Variants in ATXN7L1 observed in about 807,000 individuals in gnomAD.
The protein encoded by ATXN7L1 is ataxin-7-like protein 1.
Under a neutral mutation model 70.8 loss-of-function variants are expected in ATXN7L1, and 15 were observed. The observed-to-expected ratio is 0.21, with a 90% CI of 0.14 to 0.33. The LOEUF (loss-of-function observed/expected upper bound fraction) is 0.33. Among genes scored for constraint, ATXN7L1 ranks in the 10% least tolerant of loss-of-function variants. ATXN7L1 has a pLI of 1.00. For synonymous variants in ATXN7L1, 440 were observed against 445.1 expected, an observed-to-expected ratio of 0.99 and a Z score of 0.14; for missense variants, 975 against 1,097.1, an observed-to-expected ratio of 0.89 and a Z score of 1.57.
intron 2 of ATXN7L1, among the ~76,000 whole-genome samples, chr7:105,833,331 G>A (rs79371193): frequency 0.11 from 16,592 of 152,142 alleles, 1,211 homozygotes; most frequent in East Asian, 0.22. Context: ...CTAGATCGTA[G>A]GTGCCGTAAA....
At chr7:105,660,082 T>C (rs997380335) in intron 4 of ATXN7L1, among the ~76,000 whole-genome samples, 8 of 151,960 alleles carry the variant, frequency 5.3e-5, no homozygotes, top group Non-Finnish European at 1.2e-4. Context: ...CCCAAAGTCC[T>C]GCGGAGTTTT....
At chr7:105,741,435 G>T (rs1212509287) in intron 3 of ATXN7L1, among the ~76,000 whole-genome samples, 1 of 152,188 alleles carries the variant, frequency 6.6e-6, no homozygotes, top group African/African-American at 2.4e-5. Context: ...CTTTCAACAG[G>T]ATAGTGTTTG....
At chr7:105,870,668 C>A (rs976000521) in intron 2 of ATXN7L1, among the ~76,000 whole-genome samples, 1 of 152,150 alleles carries the variant, frequency 6.6e-6, no homozygotes. Flanking sequence ...AGGGGAACAT[C>A]TTTCTAAATC....
chr7:105,684,759 G>A (rs1805952017), intron 3 of ATXN7L1, among the ~76,000 whole-genome samples: 1 of 152,180 alleles, frequency 6.6e-6, no homozygotes, highest in Admixed American at 6.5e-5. Flanking sequence ...CGTGGAAGAG[G>A]ACAGGCCCAA....
chr7:105,723,900 A>G (rs779415578), intron 3 of ATXN7L1, among the ~76,000 whole-genome samples: 10 of 152,316 alleles, frequency 6.6e-5, no homozygotes, highest in South Asian at 2.1e-4. Context: ...GCTGCAAAGT[A>G]GGGAGGAAAA....
chr7:105,803,302 G>A (rs1226628688), intron 2 of ATXN7L1, among the ~76,000 whole-genome samples: 1 of 152,236 alleles, frequency 6.6e-6, no homozygotes, highest in Admixed American at 6.5e-5. Flanking sequence ...ATGGCCAAGG[G>A]CCCTTCTTCT....
intron 3 of ATXN7L1, among the ~76,000 whole-genome samples, chr7:105,758,954 G>A (rs369744136): frequency 2.0e-5 from 3 of 152,244 alleles, no homozygotes; most frequent in East Asian, 1.9e-4. Context: ...CCATCCCTGC[G>A]GAAGGGGGTC....
intron 2 of ATXN7L1, among the ~76,000 whole-genome samples, chr7:105,861,783 G>A (rs1400620604): frequency 6.6e-6 from 1 of 152,216 alleles, no homozygotes; most frequent in Non-Finnish European, 1.5e-5. Flanking sequence ...AAAAGCGGGT[G>A]CCATGAAAAC....
chr7:105,765,079 A>C (rs1458663901), intron 3 of ATXN7L1, among the ~76,000 whole-genome samples: 2 of 152,146 alleles, frequency 1.3e-5, no homozygotes, highest in Non-Finnish European at 2.9e-5. Context: ...TCACACCTGT[A>C]ATCCCAGCAC....
chr7:105,613,669 A>T, intron 10 of ATXN7L1, 193 bp downstream of exon 10: 1 of 1,450,760 alleles, frequency 6.9e-7, no homozygotes, highest in Non-Finnish European at 9.1e-7. Context: ...AGTGTCTAGC[A>T]CATAGTGAGC....
At position 105,607,621 on chromosome 7, in the gene ATXN7L1, A is replaced by G. The variant is rs1792813019; in HGVS notation, c.*231T>C. Reference sequence around the variant, plus strand: ...AAACATGGCAAATGAAAGGAAAGACAGCGGAAACCAAACACTGGAACTGTT... The same window carrying G: ...AAACATGGCAAATGAAAGGAAAGACGGCGGAAACCAAACACTGGAACTGTT... On this transcript the variant is annotated 3_prime_UTR_variant, in exon 12 of 12. Coordinates refer to ENST00000419735, the MANE Select transcript of ATXN7L1 (RefSeq NM_020725.2). 5.4e-6 allele frequency: 3 copies of G among 552,888 alleles called. No individual in the cohort carries two copies. Among genetic ancestry groups the G allele is most frequent in the Non-Finnish European group, 9.7e-6 (3 of 310,220 alleles). The allele number at this position is 552,888 out of a possible 1,614,324, so 34.2% of individuals were successfully genotyped here.
chr7:105,653,849 G>A (rs1562956699), intron 4 of ATXN7L1, among the ~76,000 whole-genome samples: 1 of 152,010 alleles, frequency 6.6e-6, no homozygotes. Context: ...TGTGGGCCGG[G>A]CTCTCCTGCT....
At chr7:105,658,216 CA>C (rs11317370) in intron 4 of ATXN7L1, among the ~76,000 whole-genome samples, 28,439 of 142,108 alleles carry the variant, frequency 0.2, 3,226 homozygotes, top group African/African-American at 0.33. Context: ...TACCCCATCT[CA>C]AAAAAAAAAA....
intron 3 of ATXN7L1, among the ~76,000 whole-genome samples, chr7:105,743,926 G>A (rs1031322303): frequency 2.0e-5 from 3 of 152,182 alleles, no homozygotes; most frequent in Non-Finnish European, 2.9e-5. Flanking sequence ...TGGAGCTGGC[G>A]TCTTTATTTA....
chr7:105,794,615 T>C (rs1034117129), intron 2 of ATXN7L1, among the ~76,000 whole-genome samples: 1 of 152,264 alleles, frequency 6.6e-6, no homozygotes, highest in Non-Finnish European at 1.5e-5. Flanking sequence ...ACAGGTTTTA[T>C]GAACTGAACT....
At chr7:105,731,930 T>C (rs1031603601) in intron 3 of ATXN7L1, among the ~76,000 whole-genome samples, 5 of 151,438 alleles carry the variant, frequency 3.3e-5, no homozygotes, top group Non-Finnish European at 7.4e-5. Context: ...CCATCTCTAC[T>C]AAAAATACAA....
chr7:105,668,297 G>A lies in ATXN7L1; in HGVS notation c.356-3009C>T, dbSNP rs149166002. 6.9e-3 allele frequency among the ~76,000 whole-genome samples: 1,055 copies of A among 152,272 alleles called. 13 individuals are homozygous for A. The highest frequency in any genetic ancestry group is 0.024 in the African/African-American group (988 of 41,546). On this transcript the variant is annotated intron_variant, in intron 3 of 11. Coordinates refer to ENST00000419735, the MANE Select transcript of ATXN7L1 (RefSeq NM_020725.2). The stretch of plus-strand genomic sequence containing the variant: ...CACCCAGGCTAGATTGCTGTGGCAC[G>A]ATCATGGCTTACTGCAACCTCTGCC...
At chr7:105,610,736 T>C in intron 10 of ATXN7L1, 133 bp from the exon 11 acceptor site, 1 of 735,216 alleles carries the variant, frequency 1.4e-6, no homozygotes, top group East Asian at 2.7e-5. Flanking sequence ...TCGGAACTGG[T>C]GTTTCCATCT....
chr7:105,640,814 G>A (rs1208252471), intron 5 of ATXN7L1, among the ~76,000 whole-genome samples: 2 of 152,206 alleles, frequency 1.3e-5, no homozygotes, highest in African/African-American at 2.4e-5. Context: ...GGAAGGCACC[G>A]AGCAAACACA....
Sources: gnomAD v4.1 joint callset for allele counts (sites outside exome capture counted in the v4.1 genomes callset) on GRCh38, gnomAD v4.1.1 for gene constraint, MANE v1.5 for transcripts, NCBI Gene and HGNC (gene_info 2026-07-23, HGNC 2026-07-21) for gene names.